KLF7: variants seen among roughly 807,000 people sequenced by gnomAD.
KLF7 encodes the protein KLF transcription factor 7.
In KLF7, 2 loss-of-function variants were observed where a neutral mutation model predicts 27.3. The ratio of observed to expected loss-of-function variants is 0.07; its 90% CI spans 0.03 to 0.23. KLF7 has a LOEUF of 0.23. Among genes scored for constraint, KLF7 ranks in the 10% least tolerant of loss-of-function variants. KLF7 has a pLI of 1.00. For synonymous variants in KLF7, 165 were observed against 162.4 expected, an observed-to-expected ratio of 1.02 and a Z score of -0.12; for missense variants, 221 against 394.1, an observed-to-expected ratio of 0.56 and a Z score of 3.72.
At chr2:207,117,073 T>C (rs2077207750) in intron 2 of KLF7, among the ~76,000 whole-genome samples, 1 of 152,246 alleles carries the variant, frequency 6.6e-6, no homozygotes, top group Non-Finnish European at 1.5e-5. Context: ...TCCTCGATTC[T>C]TATTTTAACA....
chr2:207,090,635 A>G (rs2076489666), intron 2 of KLF7, among the ~76,000 whole-genome samples: 2 of 150,842 alleles, frequency 1.3e-5, no homozygotes, highest in Admixed American at 1.3e-4. Context: ...ATGGCTCCAG[A>G]AAGCCAAGTC....
chr2:207,119,354 T>TA (rs1455003436), intron 2 of KLF7, among the ~76,000 whole-genome samples: 2 of 152,250 alleles, frequency 1.3e-5, no homozygotes, highest in Non-Finnish European at 1.5e-5. Flanking sequence ...AAAGGTTTTT[T>TA]ATCTCTTCTC....
intron 1 of KLF7, among the ~76,000 whole-genome samples, chr2:207,134,858 T>C (rs34988392): frequency 0.19 from 28,456 of 152,120 alleles, 3,168 homozygotes; most frequent in Middle Eastern, 0.35. Context: ...GGGGTAATAG[T>C]AGTACCTACA....
intron 2 of KLF7, among the ~76,000 whole-genome samples, chr2:207,106,303 G>A (rs2076881479): frequency 6.6e-6 from 1 of 152,232 alleles, no homozygotes; most frequent in Non-Finnish European, 1.5e-5. Flanking sequence ...ATGAGCCAAT[G>A]TGGGGAGAGT....
intron 2 of KLF7, among the ~76,000 whole-genome samples, chr2:207,114,135 A>C (rs1461667180): frequency 6.6e-6 from 1 of 152,228 alleles, no homozygotes; most frequent in Non-Finnish European, 1.5e-5. Flanking sequence ...AATAGGGTGA[A>C]TCCTCTGTGT....
chr2:207,142,648 T>C (rs1029035550), intron 1 of KLF7, among the ~76,000 whole-genome samples: 1 of 152,178 alleles, frequency 6.6e-6, no homozygotes, highest in Non-Finnish European at 1.5e-5. Flanking sequence ...AAACAGACCT[T>C]GGCAAATGAG....
At chr2:207,085,570 T>C (rs1430674605) in intron 3 of KLF7, among the ~76,000 whole-genome samples, 1 of 152,190 alleles carries the variant, frequency 6.6e-6, no homozygotes, top group Non-Finnish European at 1.5e-5. Context: ...CTTTCTTTCC[T>C]AACCCAAACA....
upstream of KLF7, chr2:207,167,295 T>C (rs928814471): frequency 1.0e-4 from 59 of 571,120 alleles, no homozygotes; most frequent in Middle Eastern, 3.2e-3. Flanking sequence ...AATTGTTTGC[T>C]TGACCTTAAA....
chr2:207,130,814 A>G (rs2077611471), intron 1 of KLF7, among the ~76,000 whole-genome samples: 1 of 152,218 alleles, frequency 6.6e-6, no homozygotes, highest in African/African-American at 2.4e-5. Context: ...AATTATTGGG[A>G]GTCTCTGGAT....
At chr2:207,118,436 G>C (rs1366359197) in intron 2 of KLF7, among the ~76,000 whole-genome samples, 1 of 152,180 alleles carries the variant, frequency 6.6e-6, no homozygotes. Flanking sequence ...ATTTAGAGAG[G>C]ATATTTAGTT....
intron 3 of KLF7, 133 bp downstream of exon 3, chr2:207,088,325 G>A (rs2076437234): frequency 9.5e-7 from 1 of 1,055,376 alleles, no homozygotes; most frequent in East Asian, 2.4e-5. Context: ...CCTCTCCATG[G>A]AGAAAAGGCA....
chr2:207,097,727 T>C (rs1205158621), intron 2 of KLF7, among the ~76,000 whole-genome samples: 20 of 152,266 alleles, frequency 1.3e-4, no homozygotes. Context: ...ACCCAGATGC[T>C]GAAACAAATT....
the KLF7 span, among the ~76,000 whole-genome samples, chr2:207,173,404 A>C: frequency 1.3e-5 from 2 of 152,200 alleles, no homozygotes; most frequent in East Asian, 3.9e-4. Flanking sequence ...CATTTTAGTT[A>C]ATATGTGTGT....
At chr2:207,131,348 C>T (rs2077629303) in intron 1 of KLF7, among the ~76,000 whole-genome samples, 1 of 152,222 alleles carries the variant, frequency 6.6e-6, no homozygotes, top group Non-Finnish European at 1.5e-5. Flanking sequence ...CATGGTGTCA[C>T]AGTCCCCAAA....
At chr2:207,166,134 G>A (rs985474225), upstream of KLF7, 3 of 983,556 alleles carry the variant, frequency 3.1e-6, no homozygotes, top group Non-Finnish European at 3.6e-6. Flanking sequence ...CCCTCCGTTC[G>A]GTTCTCCGCG....
chr2:207,159,447 C>G (rs1470969559), intron 1 of KLF7, among the ~76,000 whole-genome samples: 2 of 152,200 alleles, frequency 1.3e-5, no homozygotes, highest in Non-Finnish European at 2.9e-5. Context: ...TTCCTTCTTT[C>G]TGGCACTCAT....
chr2:207,119,807 G>T (rs920806943), intron 2 of KLF7, among the ~76,000 whole-genome samples: 1 of 152,108 alleles, frequency 6.6e-6, no homozygotes, highest in African/African-American at 2.4e-5. Context: ...GGGGTCAAGC[G>T]ATTCTCCTGC....
At chr2:207,110,941 C>T (rs1438851045) in intron 2 of KLF7, among the ~76,000 whole-genome samples, 1 of 152,126 alleles carries the variant, frequency 6.6e-6, no homozygotes, top group African/African-American at 2.4e-5. Flanking sequence ...GCACTGTTGA[C>T]CCTTGGGCCC....
At chr2:207,095,328 G>A (rs930789800) in intron 2 of KLF7, among the ~76,000 whole-genome samples, 1 of 152,174 alleles carries the variant, frequency 6.6e-6, no homozygotes. Flanking sequence ...GATTACAGGC[G>A]TGAGCCACCA....
Sources: gnomAD v4.1 joint callset for allele counts (sites outside exome capture counted in the v4.1 genomes callset) on GRCh38, gnomAD v4.1.1 for gene constraint, MANE v1.5 for transcripts, NCBI Gene and HGNC (gene_info 2026-07-23, HGNC 2026-07-21) for gene names.